The following ADAMTS2 variants were observed in gnomAD, a reference collection of about 807,000 sequenced individuals.
The protein encoded by ADAMTS2 is A disintegrin and metalloproteinase with thrombospondin motifs 2.
ADAMTS2 carries 50 observed loss-of-function variants against 123.0 expected under a neutral mutation model. The ratio of observed to expected loss-of-function variants is 0.41; its 90% CI spans 0.32 to 0.51. The LOEUF (loss-of-function observed/expected upper bound fraction) is 0.51. Among genes scored for constraint, ADAMTS2 ranks in the 20% least tolerant of loss-of-function variants. The probability of loss-of-function intolerance (pLI) is 0.35; values close to 1 mark genes in which losing one functional copy is unlikely to be tolerated. For missense variants in ADAMTS2, 1,494 were observed against 1,705.2 expected, an observed-to-expected ratio of 0.88 and a Z score of 2.18; for synonymous variants, 678 against 695.4, an observed-to-expected ratio of 0.98 and a Z score of 0.39.
chr5:179,206,401 C>A (rs1764696146), intron 4 of ADAMTS2, among the ~76,000 whole-genome samples: 1 of 152,194 alleles, frequency 6.6e-6, no homozygotes, highest in African/African-American at 2.4e-5. Context: ...AGATCCTGAG[C>A]AGACCTGCAC....
chr5:179,326,942 A>G (rs557187775), intron 2 of ADAMTS2, among the ~76,000 whole-genome samples: 3 of 152,242 alleles, frequency 2.0e-5, no homozygotes, highest in African/African-American at 7.2e-5. Context: ...ATCTCAAAAT[A>G]AGAGAAACTC....
At chr5:179,179,400 T>C (rs1424100079) in intron 5 of ADAMTS2, among the ~76,000 whole-genome samples, 1 of 152,198 alleles carries the variant, frequency 6.6e-6, no homozygotes, top group Non-Finnish European at 1.5e-5. Context: ...ATTTTCTTTA[T>C]GACCCAAAAC....
chr5:179,273,777 C>G (rs987593126), intron 2 of ADAMTS2, among the ~76,000 whole-genome samples: 7 of 152,096 alleles, frequency 4.6e-5, no homozygotes, highest in African/African-American at 1.7e-4. Context: ...CCCCTGACCC[C>G]CTAGGCCAGC....
chr5:179,147,831 G>A (rs1371103428), intron 10 of ADAMTS2, among the ~76,000 whole-genome samples: 2 of 152,192 alleles, frequency 1.3e-5, no homozygotes, highest in African/African-American at 2.4e-5. Flanking sequence ...TGGCACCCAC[G>A]GGAGGAGAAT....
rs75929371 is a variant in ADAMTS2, at chr5:179,206,361, C to T, written c.891+1152G>A. On this transcript the variant is annotated intron_variant, in intron 4 of 21. Coordinates refer to ENST00000251582, the MANE Select transcript of ADAMTS2 (RefSeq NM_014244.5). Reference sequence around the variant, plus strand: ...TCAGCTTGGCTCCTGGAGGGGCTCACCCCTGGTCCGAAAAGCAGAGCTGGG... The same window carrying T: ...TCAGCTTGGCTCCTGGAGGGGCTCATCCCTGGTCCGAAAAGCAGAGCTGGG... Among the ~76,000 whole-genome samples, 937 of 152,264 alleles carry T rather than the reference C, an allele frequency of 6.2e-3. 9 individuals carry two copies. Among genetic ancestry groups the T allele is most frequent in the African/African-American group, 0.022 (894 of 41,544 alleles).
chr5:179,199,487 C>T (rs775071648), intron 4 of ADAMTS2, among the ~76,000 whole-genome samples: 3 of 152,224 alleles, frequency 2.0e-5, no homozygotes, highest in Non-Finnish European at 4.4e-5. Flanking sequence ...TGGCCATACG[C>T]TCTGGGCTGG....
intron 11 of ADAMTS2, 50 bp from the exon 12 acceptor site, chr5:179,137,994 A>T (rs923218548): frequency 6.5e-7 from 1 of 1,534,944 alleles, no homozygotes; most frequent in African/African-American, 1.4e-5. Context: ...GGAAAGAGGC[A>T]GCACCCGGGT....
At chr5:179,190,932 G>A (rs1178790208) in intron 4 of ADAMTS2, among the ~76,000 whole-genome samples, 2 of 152,254 alleles carry the variant, frequency 1.3e-5, no homozygotes, top group African/African-American at 4.8e-5. Context: ...GCTGTGCCCA[G>A]GCACGTCCGC....
chr5:179,258,292 G>A (rs1766122210), intron 3 of ADAMTS2, among the ~76,000 whole-genome samples: 1 of 150,824 alleles, frequency 6.6e-6, no homozygotes, highest in East Asian at 1.9e-4. Context: ...CCCAGACAAT[G>A]TGTACTGAAC....
rs766969191 is a variant in ADAMTS2 at position 179,316,665 on chromosome 5, G to A, written c.534+27102C>T. Among the ~76,000 whole-genome samples, 8 of 152,216 alleles carry A rather than the reference G, an allele frequency of 5.3e-5. No individual in the cohort carries two copies. The South Asian group carries it at 1.0e-3, about 20-fold the overall frequency. ...CTGCTGTCGAACATGAAGTGGGGAC[G>A]GGACGCAGTGGTGTACACCTATAAT... On this transcript the variant is annotated intron_variant, in intron 2 of 21. Transcript: ENST00000251582.
rs570301081 is a variant in ADAMTS2 at position 179,158,050 on chromosome 5, C to G, written c.1132+673G>C. Among the ~76,000 whole-genome samples, 1 of 151,928 alleles carries G rather than the reference C, an allele frequency of 6.6e-6. No individual in the cohort carries two copies. Among genetic ancestry groups the G allele is most frequent in the Non-Finnish European group, 1.5e-5 (1 of 67,984 alleles). ...TGCGATCTCGACTCATTGCAAACTC[C>G]GCCTCCCGGGTTCACACCATTCTCC... On this transcript the variant is annotated intron_variant, in intron 6 of 21. Transcript: ENST00000251582. The surrounding 1 kb of genome is among the most constrained non-coding windows in gnomAD (Gnocchi z 5.0).
intron 19 of ADAMTS2, among the ~76,000 whole-genome samples, chr5:179,123,507 C>G (rs1384049224): frequency 6.6e-6 from 1 of 152,208 alleles, no homozygotes; most frequent in African/African-American, 2.4e-5. Flanking sequence ...CACACTGCAA[C>G]CTCCACCTCC....
At chr5:179,152,321 AC>A in intron 9 of ADAMTS2, 66 bp from the exon 10 acceptor site, 1 of 1,495,446 alleles carries the variant, frequency 6.7e-7, no homozygotes, top group Non-Finnish European at 9.3e-7. Context: ...GATGCCACCC[AC>A]CCCCGGGTTC....
chr5:179,125,260 TG>T, intron 18 of ADAMTS2, 80 bp from the exon 19 acceptor site: 1 of 1,354,574 alleles, frequency 7.4e-7, no homozygotes, highest in African/African-American at 1.4e-5. Flanking sequence ...CGCCGCTCCC[TG>T]CAGCCCAGGT....
intron 3 of ADAMTS2, among the ~76,000 whole-genome samples, chr5:179,231,543 G>C (rs1372526200): frequency 6.6e-6 from 1 of 152,204 alleles, no homozygotes; most frequent in Non-Finnish European, 1.5e-5. Flanking sequence ...TAAGGGGCCG[G>C]TGACCTCTAC....
At chr5:179,266,906 GT>G (rs1274989273) in intron 3 of ADAMTS2, among the ~76,000 whole-genome samples, 1 of 152,290 alleles carries the variant, frequency 6.6e-6, no homozygotes, top group East Asian at 1.9e-4. Context: ...TCTCTCTCCT[GT>G]GCCATTGCTC....
At chr5:179,205,092 C>T (rs748468607) in intron 4 of ADAMTS2, among the ~76,000 whole-genome samples, 10 of 152,292 alleles carry the variant, frequency 6.6e-5, no homozygotes, top group South Asian at 2.1e-4. Flanking sequence ...ATAGGGGGTA[C>T]GGCTGGATCA....
chr5:179,146,743 GTTA>G (rs1763256022), intron 10 of ADAMTS2, among the ~76,000 whole-genome samples: 1 of 151,970 alleles, frequency 6.6e-6, no homozygotes, highest in Non-Finnish European at 1.5e-5. Context: ...TGAAGTCAGA[GTTA>G]TTATTTTTTT....
rs1271975620 is a variant in ADAMTS2, at chr5:179,122,739, C to T, written c.2993G>A (p.Arg998Gln). Residue 998 changes from arginine to glutamine, a missense_variant, in exon 20 of 22, where the codon CGG becomes CAG. Arg to Gln is a conservative substitution (Grantham distance 43). Transcript: ENST00000251582. ...GTCCGCGGTGCGGCAGAGCACTGGC[C>T]GCTCCTGGGTGCCGTTGCCACAGGT... The part of the protein sequence containing the change: ...SVTCGNGTQE[R>Q]PVLCRTADDS... 4 of 1,553,786 alleles carry T rather than the reference C, an allele frequency of 2.6e-6. No individual in the cohort carries two copies. The highest frequency in any genetic ancestry group is 1.2e-5 in the South Asian group (1 of 84,238).
Sources: gnomAD v4.1 joint callset for allele counts (sites outside exome capture counted in the v4.1 genomes callset) on GRCh38, gnomAD v4.1.1 for gene constraint, Gnocchi (gnomAD v3.1) non-coding constraint, MANE v1.5 for transcripts, NCBI Gene and HGNC (gene_info 2026-07-23, HGNC 2026-07-21) for gene names.